The following RRAGD variants were observed in gnomAD, a reference collection of about 807,000 sequenced individuals.
RRAGD encodes Ras related GTP binding D.
In RRAGD, 12 loss-of-function variants were observed where a neutral mutation model predicts 35.5. The observed-to-expected ratio is 0.34, with a 90% CI of 0.22 to 0.55. RRAGD has a LOEUF of 0.55. Ranked by LOEUF, RRAGD falls within the 20% of genes least tolerant of loss-of-function variation. The pLI is 0.91. For synonymous variants in RRAGD, 155 were observed against 178.9 expected, an observed-to-expected ratio of 0.87 and a Z score of 1.07; for missense variants, 324 against 490.1, an observed-to-expected ratio of 0.66 and a Z score of 3.20.
At chr6:89,387,669 A>G in intron 1 of RRAGD, 79 bp from the exon 2 acceptor site, 1 of 1,288,548 alleles carries the variant, frequency 7.8e-7, no homozygotes, top group East Asian at 2.3e-5. Flanking sequence ...TCCACCTCAA[A>G]TGTGATTTAT....
intron 5 of RRAGD, among the ~76,000 whole-genome samples, chr6:89,375,367 C>G (rs1768918215): frequency 6.6e-6 from 1 of 152,172 alleles, no homozygotes; most frequent in Non-Finnish European, 1.5e-5. Flanking sequence ...AGGTTTGCAA[C>G]TGCAAAAACT....
chr6:89,412,114 C>G lies in RRAGD; in HGVS notation c.-121G>C, dbSNP rs976636081. The G allele has an allele frequency of 1.6e-5, 16 of 976,864 alleles. No homozygotes were observed. The highest frequency in any genetic ancestry group is 1.0e-4 in the African/African-American group (6 of 58,658). The allele number at this position is 976,864 out of a possible 1,614,324, so 60.5% of individuals were successfully genotyped here. A position where few individuals can be genotyped will look rare whatever the true frequency, so the allele number is the denominator to read the frequency against. On this transcript the variant is annotated 5_prime_UTR_variant, in exon 1 of 7. Coordinates refer to ENST00000369415, the MANE Select transcript of RRAGD (RefSeq NM_021244.5). This position sits in a 1 kb window ranked among gnomAD's most constrained non-coding sequence, Gnocchi z 4.2. ...GGTTTGTCTAGAGCTCAGCGGGGCC[C>G]GGCGGAAGCGGGGGCCGCGCGTCCC...
At chr6:89,383,890 G>A (rs370891114) in intron 2 of RRAGD, among the ~76,000 whole-genome samples, 11 of 152,072 alleles carry the variant, frequency 7.2e-5, no homozygotes, top group South Asian at 2.1e-4. Context: ...TTGGGAGGCC[G>A]AGGCGGGTGG....
At chr6:89,369,439 T>G (rs1768820476) in intron 6 of RRAGD, among the ~76,000 whole-genome samples, 2 of 152,198 alleles carry the variant, frequency 1.3e-5, no homozygotes, top group South Asian at 4.1e-4. Flanking sequence ...ATACTCAACT[T>G]GGGAAATTTC....
chr6:89,401,818 T>C (rs1317834254), intron 1 of RRAGD, among the ~76,000 whole-genome samples: 3 of 152,186 alleles, frequency 2.0e-5, no homozygotes, highest in Non-Finnish European at 4.4e-5. Flanking sequence ...TCCTTATTAC[T>C]ATTAATAGTC....
At chr6:89,378,006 A>C (rs951473366) in intron 4 of RRAGD, among the ~76,000 whole-genome samples, 193 bp from the exon 5 acceptor site, 4 of 152,222 alleles carry the variant, frequency 2.6e-5, no homozygotes, top group African/African-American at 9.6e-5. Flanking sequence ...GACTTGCATA[A>C]GAAATAAAAA....
chr6:89,390,623 C>T (rs925156558), intron 1 of RRAGD, among the ~76,000 whole-genome samples: 1 of 152,170 alleles, frequency 6.6e-6, no homozygotes, highest in Admixed American at 6.5e-5. Context: ...ATAGGCTGGG[C>T]ATGGTGGCTC....
At chr6:89,391,244 G>A (rs1769227428) in intron 1 of RRAGD, among the ~76,000 whole-genome samples, 1 of 150,908 alleles carries the variant, frequency 6.6e-6, no homozygotes, top group African/African-American at 2.4e-5. Context: ...AATTAGCTGA[G>A]TATGGCAGCA....
chr6:89,393,153 G>A (rs920031583), intron 1 of RRAGD, among the ~76,000 whole-genome samples: 7 of 152,148 alleles, frequency 4.6e-5, no homozygotes, highest in Non-Finnish European at 1.0e-4. Flanking sequence ...TAGAAATGTT[G>A]TGCATAATAA....
chr6:89,402,629 C>A (rs920029325), intron 1 of RRAGD, among the ~76,000 whole-genome samples: 3 of 152,052 alleles, frequency 2.0e-5, no homozygotes, highest in Non-Finnish European at 2.9e-5. Context: ...AGGCAGCTAG[C>A]CACCAAGCAG....
At chr6:89,384,545 G>A (rs1267481709) in intron 2 of RRAGD, among the ~76,000 whole-genome samples, 1 of 151,988 alleles carries the variant, frequency 6.6e-6, no homozygotes, top group Non-Finnish European at 1.5e-5. Context: ...GGCCAGGCGT[G>A]GTGGCTCACG....
chr6:89,389,640 A>G (rs1352639790), intron 1 of RRAGD, among the ~76,000 whole-genome samples: 2 of 152,000 alleles, frequency 1.3e-5, no homozygotes, highest in African/African-American at 4.8e-5. Flanking sequence ...TGAAACATAT[A>G]GTATTAATTC....
chr6:89,389,478 C>G (rs1314143428), intron 1 of RRAGD, among the ~76,000 whole-genome samples: 1 of 151,006 alleles, frequency 6.6e-6, no homozygotes, highest in Non-Finnish European at 1.5e-5. Flanking sequence ...ATGGCATGAA[C>G]CTGGGAGGCG....
chr6:89,369,680 T>C (rs1768824236), intron 6 of RRAGD, among the ~76,000 whole-genome samples: 1 of 152,182 alleles, frequency 6.6e-6, no homozygotes, highest in African/African-American at 2.4e-5. Flanking sequence ...GCTGGGATCA[T>C]AGGCATGAAC....
At chr6:89,369,701 C>T (rs370002137) in intron 6 of RRAGD, among the ~76,000 whole-genome samples, 10 of 152,174 alleles carry the variant, frequency 6.6e-5, no homozygotes, top group African/African-American at 1.9e-4. Context: ...CACTGGCACC[C>T]GCCCCTATTG....
intron 1 of RRAGD, among the ~76,000 whole-genome samples, chr6:89,390,768 G>A (rs1318608500): frequency 3.9e-5 from 6 of 152,006 alleles, no homozygotes; most frequent in Admixed American, 3.3e-4. Context: ...CATGGTGGCA[G>A]GCACCTGTAA....
chr6:89,372,363 T>C (rs1768868513), intron 6 of RRAGD, 74 bp downstream of exon 6: 1 of 1,470,780 alleles, frequency 6.8e-7, no homozygotes, highest in Non-Finnish European at 9.2e-7. Flanking sequence ...TCCACCCACA[T>C]TCAACAAACA....
At chr6:89,387,273 C>A (rs765249289) in intron 2 of RRAGD, 22 bp downstream of exon 2, 4 of 1,604,356 alleles carry the variant, frequency 2.5e-6, no homozygotes, top group Non-Finnish European at 3.4e-6. Context: ...GGCCATCATA[C>A]CCCTGAGACT....
At chr6:89,379,359 T>G in intron 3 of RRAGD, 21 bp from the exon 4 acceptor site, 26 of 1,297,498 alleles carry the variant, frequency 2.0e-5, no homozygotes, top group Non-Finnish European at 2.5e-5. Context: ...AAACGGTATT[T>G]CATCATGTTT....
Sources: allele counts gnomAD v4.1 joint callset (sites outside exome capture counted in the v4.1 genomes callset), GRCh38; gene constraint gnomAD v4.1.1; non-coding constraint Gnocchi (gnomAD v3.1); transcripts MANE v1.5; gene names NCBI Gene and HGNC (gene_info 2026-07-23, HGNC 2026-07-21).